The following LRRC59 variants were observed in gnomAD, a reference collection of about 807,000 sequenced individuals.
LRRC59 encodes the protein leucine-rich repeat-containing protein 59.
A neutral mutation model predicts 33.5 loss-of-function variants in LRRC59; 18 were observed. The observed-to-expected ratio is 0.54, with a 90% CI of 0.37 to 0.80. The LOEUF (loss-of-function observed/expected upper bound fraction) is 0.80. Ranked by LOEUF, LRRC59 falls within the 30% of genes least tolerant of loss-of-function variation. The pLI is 0.00. For synonymous variants in LRRC59, 138 were observed against 160.0 expected (o/e 0.86, Z 1.04); for missense variants, 330 against 391.9 (o/e 0.84, Z 1.33).
At chr17:50,396,912 C>G in intron 1 of LRRC59, 1 of 397,276 alleles carries the variant, frequency 2.5e-6, no homozygotes, top group East Asian at 3.6e-5. Context: ...CAGAGTCGGG[C>G]ACGGAGGTGG....
Position 50,392,920 on chromosome 17 carries a change from A to T in LRRC59, c.166-23T>A, listed in dbSNP as rs368715566. 3 of 1,604,384 alleles carry T rather than the reference A, an allele frequency of 1.9e-6. No homozygotes were observed. In the African/African-American group the frequency reaches 4.0e-5, roughly 21 times the overall value. ...CGACTAGGATCCAAAGAGAGAACCTAAGCTAGGCTTGTCCAACACACGAGC... is the reference window on the plus strand; with the variant it reads ...CGACTAGGATCCAAAGAGAGAACCTTAGCTAGGCTTGTCCAACACACGAGC... On this transcript the variant is annotated intron_variant, in intron 2 of 6. Transcript: ENST00000225972.
chr17:50,387,104 C>T (rs1433307193), intron 5 of LRRC59, among the ~76,000 whole-genome samples: 3 of 147,362 alleles, frequency 2.0e-5, no homozygotes, highest in Non-Finnish European at 3.0e-5. Context: ...GGCAACAGAG[C>T]GAGACTCTGT....
intron 6 of LRRC59, 135 bp downstream of exon 6, chr17:50,384,980 CCTT>C (rs1913966382): frequency 9.7e-7 from 1 of 1,033,250 alleles, no homozygotes; most frequent in Admixed American, 2.3e-5. Flanking sequence ...CGTAACCAAA[CCTT>C]CTCATCCACT....
intron 4 of LRRC59, among the ~76,000 whole-genome samples, chr17:50,391,415 C>G (rs1392034517): frequency 6.6e-6 from 1 of 152,184 alleles, no homozygotes; most frequent in East Asian, 1.9e-4. Flanking sequence ...CCCATGAATT[C>G]TAGTATTTAA....
chr17:50,392,669 AG>A (rs1477782781), intron 3 of LRRC59, 69 bp downstream of exon 3: 11 of 1,584,794 alleles, frequency 6.9e-6, no homozygotes, highest in Non-Finnish European at 8.6e-6. Flanking sequence ...AGCCTTTCTC[AG>A]GGCCGTGCTC....
intron 6 of LRRC59, 134 bp downstream of exon 6, chr17:50,384,984 C>A: frequency 9.4e-7 from 1 of 1,059,912 alleles, no homozygotes; most frequent in South Asian, 1.6e-5. Flanking sequence ...ACCAAACCTT[C>A]TCATCCACTC....
Position 50,385,288 on chromosome 17 carries a change from G to T in LRRC59, c.506C>A (p.Ala169Glu). Reference sequence around the variant, plus strand: ...CTGCTTAGCCTCACGCTTCTTCTCTGCCTCTACAACAAAACATACCAAAAT... The same window carrying T: ...CTGCTTAGCCTCACGCTTCTTCTCTTCCTCTACAACAAAACATACCAAAAT... ...RQRRLEVERE[A>E]EKKREAKQRA... The change falls in exon 6 of 7, where the codon GCA becomes GAA. Residue 169 changes from alanine (A) to glutamate (E), a missense_variant. Coordinates refer to ENST00000225972, the MANE Select transcript of LRRC59 (RefSeq NM_018509.4). The T allele has an allele frequency of 6.2e-7, 1 of 1,613,048 alleles. No homozygotes were observed.
intron 5 of LRRC59, among the ~76,000 whole-genome samples, chr17:50,387,077 C>T (rs1391514303): frequency 6.6e-6 from 1 of 151,954 alleles, no homozygotes; most frequent in Admixed American, 6.5e-5. Flanking sequence ...GAGATCGTGC[C>T]ACCGCACTCC....
chr17:50,383,057 G>A lies in LRRC59; in HGVS notation c.855C>T (p.Asp285=). 2 of 1,612,702 alleles carry A rather than the reference G, an allele frequency of 1.2e-6. No individual in the cohort carries two copies. The highest frequency in any genetic ancestry group is 1.7e-5 in the Admixed American group (1 of 60,016). The part of the protein sequence containing the change: ...PLCTSVNTIY[D]NAVQGLRRHE... Reference sequence around the variant, plus strand: ...GGCGGCGTAGACCCTGGACCGCATTGTCATAGATGGTGTTCACGCTGGTGC... The same window carrying A: ...GGCGGCGTAGACCCTGGACCGCATTATCATAGATGGTGTTCACGCTGGTGC... Residue 285 remains aspartate (D), a synonymous_variant, in exon 7 of 7, where the codon GAC becomes GAT. Coordinates refer to ENST00000225972, the MANE Select transcript of LRRC59 (RefSeq NM_018509.4).
chr17:50,382,768 C>T lies in LRRC59; in HGVS notation c.*220G>A, dbSNP rs930756638. 14 of 570,780 alleles carry T rather than the reference C, an allele frequency of 2.5e-5. No homozygotes were observed. In the African/African-American group the frequency reaches 2.7e-4, roughly 11 times the overall value. 35.4% of individuals were successfully genotyped at this position (570,780 alleles called of 1,614,324 possible). A position where few individuals can be genotyped will look rare whatever the true frequency, so the allele number is the denominator to read the frequency against. On this transcript the variant is annotated 3_prime_UTR_variant, in exon 7 of 7. Transcript: ENST00000225972. ...TCCTTTAGGCATGCAGGTAACTGCCCCCCACGCCCCCCCGCCACCTCCCAT... is the reference window on the plus strand; with the variant it reads ...TCCTTTAGGCATGCAGGTAACTGCCTCCCACGCCCCCCCGCCACCTCCCAT...
intron 6 of LRRC59, among the ~76,000 whole-genome samples, chr17:50,384,839 T>G (rs1458744470): frequency 6.6e-6 from 1 of 150,914 alleles, no homozygotes; most frequent in Non-Finnish European, 1.5e-5. Context: ...CCCTCACCTC[T>G]AAAAAAAAGT....
chr17:50,394,739 T>C (rs756448527), intron 2 of LRRC59, among the ~76,000 whole-genome samples, 190 bp downstream of exon 2: 2 of 152,194 alleles, frequency 1.3e-5, no homozygotes, highest in Admixed American at 6.5e-5. Context: ...TCTCAATTCC[T>C]TTCCCACTGA....
chr17:50,382,868 C>T lies in LRRC59; in HGVS notation c.*120G>A, dbSNP rs916851282. On this transcript the variant is annotated 3_prime_UTR_variant, in exon 7 of 7. Transcript: ENST00000225972. ...CAAAGAGGAGGTCTCATGTACCAAT[C>T]TGCAGCCATTTGATGATGGCAGGTA... 7.9e-7 allele frequency: 1 copy of T among 1,262,908 alleles called. No individual in the cohort carries two copies. Among genetic ancestry groups the T allele is most frequent in the African/African-American group, 1.5e-5 (1 of 67,666 alleles). 78.2% of individuals were successfully genotyped at this position (1,262,908 alleles called of 1,614,324 possible).
rs945197788 is a variant in LRRC59, at chr17:50,381,243, TCAGA to T, written c.*1741_*1744del. Reference sequence around the variant, plus strand: ...ACACAAAGGAACAAAGACAGTCCACTCAGACACTTATTTAATAACTGTAGAAATC... The same window carrying T: ...ACACAAAGGAACAAAGACAGTCCACTCACTTATTTAATAACTGTAGAAATC... On this transcript the variant is annotated 3_prime_UTR_variant, in exon 7 of 7. Transcript: ENST00000225972. 3 of 326,348 alleles carry T rather than the reference TCAGA, an allele frequency of 9.2e-6. No individual in the cohort carries two copies. Among genetic ancestry groups the T allele is most frequent in the Admixed American group, 4.4e-5 (1 of 22,676 alleles). The allele number at this position is 326,348 out of a possible 1,614,324, so 20.2% of individuals were successfully genotyped here.
intron 1 of LRRC59, chr17:50,396,186 A>G (rs1914268259): frequency 6.6e-6 from 1 of 152,248 alleles, no homozygotes; most frequent in East Asian, 1.9e-4. Flanking sequence ...TTTAAATACT[A>G]CAGCGGGAAA....
At position 50,383,126 on chromosome 17, in the gene LRRC59, C is replaced by A. The variant is rs1913909505; in HGVS notation, c.786G>T (p.Gly262=). 1 of 1,564,616 alleles carries A rather than the reference C, an allele frequency of 6.4e-7. No homozygotes were observed. Among genetic ancestry groups the A allele is most frequent in the South Asian group, 1.2e-5 (1 of 85,752 alleles). The change falls in exon 7 of 7, where the codon GGG becomes GGT. Residue 262 remains glycine, a synonymous_variant. Coordinates refer to ENST00000225972, the MANE Select transcript of LRRC59 (RefSeq NM_018509.4). Reference sequence around the variant, plus strand: ...GCTCTGTCACCCGACAAGCAACCAGCCCTCCCGCCACACCAAATAGCAGCA... The same window carrying A: ...GCTCTGTCACCCGACAAGCAACCAGACCTCCCGCCACACCAAATAGCAGCA... The part of the protein sequence containing the change: ...LLLLLFGVAG[G]LVACRVTELQ...
At chr17:50,392,045 C>T (rs1914156964) in intron 4 of LRRC59, among the ~76,000 whole-genome samples, 1 of 152,124 alleles carries the variant, frequency 6.6e-6, no homozygotes, top group South Asian at 2.1e-4. Flanking sequence ...CTAAAAAATA[C>T]AAAAATTAGC....
chr17:50,386,469 C>T (rs1914006162), intron 5 of LRRC59, among the ~76,000 whole-genome samples: 1 of 152,186 alleles, frequency 6.6e-6, no homozygotes, highest in African/African-American at 2.4e-5. Context: ...GTTAAATGTC[C>T]TTTTAGGGCT....
intron 5 of LRRC59, among the ~76,000 whole-genome samples, chr17:50,386,605 T>A (rs1364958086): frequency 6.6e-6 from 1 of 152,066 alleles, no homozygotes. Context: ...AAGAACACAC[T>A]CCACCCAGCC....
Sources: gnomAD v4.1 joint callset for allele counts (sites outside exome capture counted in the v4.1 genomes callset) on GRCh38, gnomAD v4.1.1 for gene constraint, MANE v1.5 for transcripts, NCBI Gene and HGNC (gene_info 2026-07-23, HGNC 2026-07-21) for gene names.